ARHGAP8: variants seen among roughly 807,000 people sequenced by gnomAD.
The protein encoded by ARHGAP8 is Rho GTPase activating protein 8.
Under a neutral mutation model 46.1 loss-of-function variants are expected in ARHGAP8, and 62 were observed. The observed-to-expected ratio is 1.34, with a 90% CI of 1.10 to 1.66. ARHGAP8 has a LOEUF of 1.66. Among genes scored for constraint, ARHGAP8 ranks in the 40% most tolerant of loss-of-function variants. The pLI, the probability that ARHGAP8 is intolerant of heterozygous loss-of-function variation, is 0.00. For missense variants in ARHGAP8, 923 were observed against 568.4 expected (o/e 1.62, Z -6.34); for synonymous variants, 375 against 243.1 (o/e 1.54, Z -5.05).
At chr22:44,840,760 C>T (rs772386621) in intron 7 of ARHGAP8, among the ~76,000 whole-genome samples, 1 of 152,178 alleles carries the variant, frequency 6.6e-6, no homozygotes, top group African/African-American at 2.4e-5. Context: ...GATGAGGATT[C>T]GGTGTAGGAT....
At chr22:44,797,378 C>CG (rs1051399563) in intron 2 of ARHGAP8, among the ~76,000 whole-genome samples, 2 of 152,064 alleles carry the variant, frequency 1.3e-5, no homozygotes, top group South Asian at 4.1e-4. Flanking sequence ...GCTCAGGCTC[C>CG]GGGTCAGCCA....
chr22:44,809,306 T>G (rs1929175498), intron 4 of ARHGAP8: 1 of 423,954 alleles, frequency 2.4e-6, no homozygotes, highest in Admixed American at 2.7e-5. Flanking sequence ...CTTAAAAACA[T>G]AAAAAGCCAT....
chr22:44,823,892 G>T (rs1219635920), intron 6 of ARHGAP8, among the ~76,000 whole-genome samples: 1 of 152,156 alleles, frequency 6.6e-6, no homozygotes, highest in Admixed American at 6.5e-5. Flanking sequence ...AGTCAGAGGG[G>T]ATGAGGTTTG....
intron 7 of ARHGAP8, among the ~76,000 whole-genome samples, chr22:44,843,300 A>G (rs1931770219): frequency 5.9e-5 from 9 of 152,376 alleles, no homozygotes; most frequent in Admixed American, 5.2e-4. Context: ...CAGCAGAACT[A>G]CACTATAAGA....
chr22:44,862,237 G>C (rs771750655), intron 11 of ARHGAP8, 38 bp from the exon 12 acceptor site: 23 of 1,551,690 alleles, frequency 1.5e-5, no homozygotes, highest in Non-Finnish European at 1.8e-5. Context: ...GTGCCCCTTG[G>C]TGTTCACTCC....
intron 6 of ARHGAP8, among the ~76,000 whole-genome samples, chr22:44,825,011 C>T (rs771502184): frequency 6.6e-6 from 1 of 151,682 alleles, no homozygotes; most frequent in Non-Finnish European, 1.5e-5. Context: ...TCTGTTCATT[C>T]ATGGGTTTCT....
chr22:44,814,911 G>A (rs1413019134), intron 5 of ARHGAP8, among the ~76,000 whole-genome samples, 153 bp downstream of exon 5: 1 of 152,128 alleles, frequency 6.6e-6, no homozygotes, highest in Non-Finnish European at 1.5e-5. Context: ...GGTCTGCGGG[G>A]GGTCACAAGG....
chr22:44,833,662 T>C (rs1408134712), intron 7 of ARHGAP8, among the ~76,000 whole-genome samples: 2 of 152,178 alleles, frequency 1.3e-5, no homozygotes, highest in African/African-American at 4.8e-5. Context: ...GTTTTGGTGA[T>C]ACTGGCCTCA....
At chr22:44,793,602 G>GCCGT (rs1318122830) in intron 2 of ARHGAP8, among the ~76,000 whole-genome samples, 43 of 152,216 alleles carry the variant, frequency 2.8e-4, no homozygotes, top group Non-Finnish European at 4.9e-4. Flanking sequence ...CGTTTTAATC[G>GCCGT]CCGTCCGCTG....
At chr22:44,769,661 G>A (rs1270095008) in intron 1 of ARHGAP8, among the ~76,000 whole-genome samples, 1 of 152,080 alleles carries the variant, frequency 6.6e-6, no homozygotes, top group Non-Finnish European at 1.5e-5. Flanking sequence ...TCTGTGTAAA[G>A]GTTAGGCACT....
chr22:44,758,211 G>A (rs1429849029), intron 1 of ARHGAP8, among the ~76,000 whole-genome samples: 1 of 152,172 alleles, frequency 6.6e-6, no homozygotes, highest in South Asian at 2.1e-4. Flanking sequence ...AACACTTTGG[G>A]AGGCCGAGGC....
At chr22:44,853,614 C>A (rs1033913511) in intron 10 of ARHGAP8, among the ~76,000 whole-genome samples, 1 of 152,182 alleles carries the variant, frequency 6.6e-6, no homozygotes, top group Non-Finnish European at 1.5e-5. Context: ...TACATAAGGG[C>A]AGCAAGAATG....
At chr22:44,790,833 A>T (rs1034841852) in intron 2 of ARHGAP8, among the ~76,000 whole-genome samples, 1 of 151,444 alleles carries the variant, frequency 6.6e-6, no homozygotes, top group African/African-American at 2.4e-5. Flanking sequence ...CCCGGGTTCA[A>T]GGGATTCTCT....
rs2349855 is a variant in ARHGAP8, at chr22:44,859,847, G to A, written c.981+13G>A. 8 of 1,611,406 alleles carry A rather than the reference G, an allele frequency of 5.0e-6. No homozygotes were observed. The African/African-American group carries it at 5.3e-5, about 11-fold the overall frequency. On this transcript the variant is annotated intron_variant, in intron 11 of 11. Transcript: ENST00000356099. ...CTTCCTGCATGCGGTGAGTGGGGAA[G>A]GGGGGAGCTTGGGGTGAAGCCCAGT...
rs1003908477 is a variant in ARHGAP8 at position 44,862,179 on chromosome 22, A to C, written c.982-96A>C. 1.2e-5 allele frequency: 17 copies of C among 1,449,648 alleles called. No individual in the cohort carries two copies. The African/African-American group carries it at 1.6e-4, about 13-fold the overall frequency. 89.8% of individuals were successfully genotyped at this position (1,449,648 alleles called of 1,614,324 possible). ...CGGCTCCCAGTCCAGTGCTCCTCTC[A>C]CTACACCTACGCCTCTCCCTAAGTT... On this transcript the variant is annotated intron_variant, in intron 11 of 11. Coordinates refer to ENST00000356099, the MANE Select transcript of ARHGAP8 (RefSeq NM_181335.3).
chr22:44,848,177 G>C, intron 9 of ARHGAP8, 127 bp downstream of exon 9: 1 of 1,354,702 alleles, frequency 7.4e-7, no homozygotes. Context: ...AACACTCAGG[G>C]TGGGGGCAGC....
chr22:44,852,647 A>T (rs1474698889), intron 10 of ARHGAP8, among the ~76,000 whole-genome samples: 1 of 152,222 alleles, frequency 6.6e-6, no homozygotes, highest in African/African-American at 2.4e-5. Context: ...CTCCAGGGAA[A>T]GAGTTGTGTC....
intron 5 of ARHGAP8, among the ~76,000 whole-genome samples, chr22:44,815,457 A>G (rs1296253019): frequency 2.6e-5 from 4 of 151,542 alleles, no homozygotes; most frequent in Admixed American, 2.6e-4. Flanking sequence ...TGTTGGCCCA[A>G]GGTTCCCGGT....
intron 7 of ARHGAP8, among the ~76,000 whole-genome samples, chr22:44,832,209 T>C (rs545285066): frequency 8.6e-5 from 13 of 151,256 alleles, no homozygotes; most frequent in African/African-American, 3.1e-4. Flanking sequence ...TTTGTGATGC[T>C]ATTGTCAATG....
Sources: gnomAD v4.1 joint callset for allele counts (sites outside exome capture counted in the v4.1 genomes callset) on GRCh38, gnomAD v4.1.1 for gene constraint, MANE v1.5 for transcripts, NCBI Gene and HGNC (gene_info 2026-07-23, HGNC 2026-07-21) for gene names.